NALCN: variants seen among roughly 807,000 people sequenced by gnomAD.
The protein encoded by NALCN is sodium leak channel NALCN.
Under a neutral mutation model 225.3 loss-of-function variants are expected in NALCN, and 111 were observed. That is an observed-to-expected ratio of 0.49 (90% CI 0.42 to 0.58). The LOEUF is 0.58. Ranked by LOEUF, NALCN falls within the 20% of genes least tolerant of loss-of-function variation. The probability of loss-of-function intolerance (pLI) is 0.00; values close to 1 mark genes in which losing one functional copy is unlikely to be tolerated. For synonymous variants in NALCN, 764 were observed against 769.0 expected, an observed-to-expected ratio of 0.99 and a Z score of 0.11; for missense variants, 1,378 against 2,202.4, an observed-to-expected ratio of 0.63 and a Z score of 7.49.
rs370989787 is a variant in NALCN at position 101,127,016 on chromosome 13, T to C, written c.2119-2335A>G. On this transcript the variant is annotated intron_variant, in intron 17 of 43. Transcript: ENST00000251127. ...AAGAGAGGACTCCAGATTCCACAAC[T>C]CTTATTTCATCTTGAAAGGACAATG... Among the ~76,000 whole-genome samples, 9 of 152,276 alleles carry C rather than the reference T, an allele frequency of 5.9e-5. No individual in the cohort carries two copies. In the East Asian group the frequency reaches 1.7e-3, roughly 29 times the overall value.
At chr13:101,300,508 T>TGGTAGAGTCTTGGCTCACTGCAGC (rs1594632562) in intron 7 of NALCN, among the ~76,000 whole-genome samples, 1 of 151,990 alleles carries the variant, frequency 6.6e-6, no homozygotes, top group East Asian at 1.9e-4. Flanking sequence ...TGGAGTGCAG[T>TGGTAGAGTCTTGGCTCACTGCAGC]GGTACAGTCT....
intron 43 of NALCN, 27 bp downstream of exon 43, chr13:101,057,912 G>A (rs369565179): frequency 4.9e-5 from 76 of 1,553,588 alleles, no homozygotes; most frequent in Non-Finnish European, 6.4e-5. Flanking sequence ...TGCCTCGATC[G>A]CTGGAGAAAT....
At chr13:101,158,491 A>G (rs1178694464) in intron 15 of NALCN, among the ~76,000 whole-genome samples, 1 of 152,224 alleles carries the variant, frequency 6.6e-6, no homozygotes, top group Admixed American at 6.5e-5. Flanking sequence ...CCAGCCCAGC[A>G]TTAATCTTAG....
chr13:101,401,980 G>T (rs2047490804), intron 1 of NALCN, among the ~76,000 whole-genome samples: 1 of 152,144 alleles, frequency 6.6e-6, no homozygotes, highest in Non-Finnish European at 1.5e-5. Flanking sequence ...TTTGCAAACA[G>T]AAATATTGTT....
At chr13:101,088,356 C>T (rs145490580) in intron 30 of NALCN, among the ~76,000 whole-genome samples, 43 of 152,224 alleles carry the variant, frequency 2.8e-4, no homozygotes, top group Non-Finnish European at 5.4e-4. Context: ...CTGATGTGAA[C>T]GCATGGGAAT....
chr13:101,173,605 T>C (rs576216563), intron 15 of NALCN, among the ~76,000 whole-genome samples: 1 of 152,142 alleles, frequency 6.6e-6, no homozygotes, highest in Non-Finnish European at 1.5e-5. Context: ...ACCATAGCTA[T>C]GAGAATCTAC....
At chr13:101,303,828 C>T (rs1462713379) in intron 7 of NALCN, among the ~76,000 whole-genome samples, 1 of 152,130 alleles carries the variant, frequency 6.6e-6, no homozygotes, top group Non-Finnish European at 1.5e-5. Context: ...GGCTAACGAC[C>T]TCAAGAGAGC....
chr13:101,304,337 T>C (rs573383353), intron 7 of NALCN, among the ~76,000 whole-genome samples: 1 of 152,342 alleles, frequency 6.6e-6, no homozygotes, highest in African/African-American at 2.4e-5. Flanking sequence ...GGTATGCATG[T>C]GGCATGATGG....
chr13:101,366,651 T>C (rs1335677936), intron 6 of NALCN, among the ~76,000 whole-genome samples: 1 of 152,194 alleles, frequency 6.6e-6, no homozygotes, highest in Non-Finnish European at 1.5e-5. Context: ...AGTATTTCAA[T>C]TGACAAATCA....
intron 15 of NALCN, among the ~76,000 whole-genome samples, chr13:101,172,563 T>C (rs1205931437): frequency 2.0e-5 from 3 of 151,974 alleles, no homozygotes; most frequent in Admixed American, 2.0e-4. Flanking sequence ...CCCCCATTTA[T>C]TGTTATTATT....
chr13:101,172,704 T>C (rs578233401), intron 15 of NALCN, among the ~76,000 whole-genome samples: 9 of 151,990 alleles, frequency 5.9e-5, no homozygotes, highest in East Asian at 1.9e-4. Context: ...GGACTACAGG[T>C]GCCCGCCACC....
At position 101,095,575 on chromosome 13, in the gene NALCN, A is replaced by T; in HGVS notation, c.3268T>A (p.Trp1090Arg). ...AATATTTTTTTATGATATACTTACC[A>T]AACACGGGGCACCCAAAATCCAGGT... The part of the protein sequence containing the change: ...KKPGFWVPRV[W>R]ANPRNFNFDN... Residue 1090 changes from tryptophan (W) to arginine (R), a missense_variant and splice_region_variant, in exon 28 of 44, where the codon TGG becomes AGG. Around this residue, in one of 19 missense-constraint regions of NALCN, gnomAD observed 292 missense variants for 409.5 expected, o/e 0.71. Transcript: ENST00000251127. 1 of 1,611,448 alleles carries T rather than the reference A, an allele frequency of 6.2e-7. No individual in the cohort carries two copies. The highest frequency in any genetic ancestry group is 2.2e-5 in the East Asian group (1 of 44,824).
intron 15 of NALCN, among the ~76,000 whole-genome samples, chr13:101,151,648 T>G (rs754828829): frequency 6.6e-6 from 1 of 152,218 alleles, no homozygotes; most frequent in Non-Finnish European, 1.5e-5. Context: ...CACAGTGGCT[T>G]TAGCTATTTT....
chr13:101,058,307 G>T, intron 42 of NALCN: 2 of 428,390 alleles, frequency 4.7e-6, no homozygotes, highest in Non-Finnish European at 8.3e-6. Context: ...CCACTGCTTC[G>T]TTCCCCTCCA....
intron 1 of NALCN, among the ~76,000 whole-genome samples, chr13:101,399,369 G>C (rs1022801180): frequency 6.6e-6 from 1 of 152,114 alleles, no homozygotes; most frequent in African/African-American, 2.4e-5. Context: ...CAAAGCAATG[G>C]ATTATTTTAT....
chr13:101,126,905 C>T (rs770922202), intron 17 of NALCN, among the ~76,000 whole-genome samples: 4 of 152,162 alleles, frequency 2.6e-5, no homozygotes, highest in East Asian at 3.9e-4. Context: ...GCCCCATCAT[C>T]GTGGAGCATC....
chr13:101,057,294 T>C (rs1244608626), intron 43 of NALCN: 2 of 153,664 alleles, frequency 1.3e-5, no homozygotes, highest in Non-Finnish European at 2.9e-5. Context: ...CAAAACCCTA[T>C]AGAGAAGAAG....
At chr13:101,346,703 A>G (rs1014777012) in intron 6 of NALCN, among the ~76,000 whole-genome samples, 3 of 152,164 alleles carry the variant, frequency 2.0e-5, no homozygotes, top group African/African-American at 7.2e-5. Flanking sequence ...GGATTTAGAT[A>G]TGTAATGGCT....
At chr13:101,063,253 G>A (rs560148806) in intron 40 of NALCN, among the ~76,000 whole-genome samples, 38 of 152,278 alleles carry the variant, frequency 2.5e-4, no homozygotes, top group Admixed American at 1.6e-3. Context: ...GGTACATTGG[G>A]CTTCTCTTTG....
Sources: gnomAD v4.1 joint callset for allele counts (sites outside exome capture counted in the v4.1 genomes callset) on GRCh38, gnomAD v4.1.1 for gene constraint, gnomAD v4.1.1 regional missense constraint, MANE v1.5 for transcripts, NCBI Gene and HGNC (gene_info 2026-07-23, HGNC 2026-07-21) for gene names.